Variants in ABCA12 observed in about 807,000 individuals in gnomAD.
The protein encoded by ABCA12 is glucosylceramide transporter ABCA12.
ABCA12 carries 156 observed loss-of-function variants against 293.5 expected under a neutral mutation model. The observed-to-expected ratio is 0.53, with a 90% CI of 0.47 to 0.61. ABCA12 has a LOEUF of 0.61. Ranked by LOEUF, ABCA12 falls within the 20% of genes least tolerant of loss-of-function variation. The pLI is 0.00. For synonymous variants in ABCA12, 1,063 were observed against 1,108.0 expected, an observed-to-expected ratio of 0.96 and a Z score of 0.81; for missense variants, 2,797 against 3,090.2, an observed-to-expected ratio of 0.91 and a Z score of 2.25.
rs573144137 is a variant in ABCA12, at chr2:215,099,736, G to A, written c.163+11861C>T. On this transcript the variant is annotated intron_variant, in intron 2 of 52. Coordinates refer to ENST00000272895, the MANE Select transcript of ABCA12 (RefSeq NM_173076.3). Reference sequence around the variant, plus strand: ...TTCTGACCCCTGGAAAATGGAGGATGATAAATGTTTATTGTTGTTGCCACT... The same window carrying A: ...TTCTGACCCCTGGAAAATGGAGGATAATAAATGTTTATTGTTGTTGCCACT... Among the ~76,000 whole-genome samples the A allele has an allele frequency of 2.6e-5, 4 of 151,582 alleles. No individual in the cohort carries two copies. The South Asian group carries it at 8.4e-4, about 32-fold the overall frequency.
chr2:214,953,784 G>T, intron 44 of ABCA12, 70 bp downstream of exon 44: 1 of 1,569,136 alleles, frequency 6.4e-7, no homozygotes, highest in South Asian at 1.1e-5. Context: ...TTAGACTATT[G>T]ACTTCTTTCT....
chr2:214,988,419 C>G (rs1326063550), intron 26 of ABCA12, among the ~76,000 whole-genome samples: 1 of 152,204 alleles, frequency 6.6e-6, no homozygotes, highest in Non-Finnish European at 1.5e-5. Context: ...TGCAGATAAT[C>G]CCTGCTCCCA....
At chr2:214,973,274 G>A (rs766214434) in intron 36 of ABCA12, among the ~76,000 whole-genome samples, 41 of 152,302 alleles carry the variant, frequency 2.7e-4, no homozygotes, top group Non-Finnish European at 4.7e-4. Flanking sequence ...AGACACTTCA[G>A]TGTACAACCA....
chr2:214,986,303 A>C (rs1288146804), intron 28 of ABCA12, among the ~76,000 whole-genome samples: 1 of 152,138 alleles, frequency 6.6e-6, no homozygotes, highest in Non-Finnish European at 1.5e-5. Flanking sequence ...AGGTGCCAAG[A>C]ATATTTATTT....
intron 4 of ABCA12, among the ~76,000 whole-genome samples, chr2:215,054,358 A>G (rs1459612145): frequency 6.6e-6 from 1 of 152,054 alleles, no homozygotes; most frequent in African/African-American, 2.4e-5. Context: ...GCTCCTATGG[A>G]GTATTTCAGT....
chr2:215,034,946 A>G (rs1386577666), intron 8 of ABCA12, among the ~76,000 whole-genome samples: 1 of 152,198 alleles, frequency 6.6e-6, no homozygotes, highest in African/African-American at 2.4e-5. Flanking sequence ...CTCCAGCATA[A>G]CAGAGTAAAA....
chr2:215,070,950 C>T (rs1052513818), intron 2 of ABCA12, among the ~76,000 whole-genome samples: 3 of 152,034 alleles, frequency 2.0e-5, no homozygotes, highest in Admixed American at 6.6e-5. Context: ...GATGCCAAGA[C>T]GGATGGATTG....
intron 1 of ABCA12, among the ~76,000 whole-genome samples, chr2:215,114,279 G>T (rs985187971): frequency 1.3e-5 from 2 of 152,006 alleles, no homozygotes; most frequent in Non-Finnish European, 2.9e-5. Flanking sequence ...GGCCAAATTT[G>T]CTTTCTTAAT....
At chr2:215,014,606 T>TG (rs1455412485) in intron 15 of ABCA12, among the ~76,000 whole-genome samples, 1 of 152,138 alleles carries the variant, frequency 6.6e-6, no homozygotes, top group East Asian at 1.9e-4. Flanking sequence ...TCAGTCAGGC[T>TG]GCTTGCAAGG....
intron 14 of ABCA12, among the ~76,000 whole-genome samples, chr2:215,017,026 AGGTGAGATT>A (rs1398943923): frequency 6.6e-6 from 1 of 152,230 alleles, no homozygotes; most frequent in African/African-American, 2.4e-5. Context: ...AATAATCAAA[AGGTGAGATT>A]AAAGAGAAAA....
intron 45 of ABCA12, among the ~76,000 whole-genome samples, chr2:214,950,289 A>G (rs1397116275): frequency 6.6e-6 from 1 of 151,610 alleles, no homozygotes; most frequent in African/African-American, 2.4e-5. Flanking sequence ...CCTGGAACCA[A>G]TCTCCCATGG....
rs1344042375 is a variant in ABCA12 at position 214,997,589 on chromosome 2, C to T, written c.3294+106G>A. The T allele has an allele frequency of 1.6e-5, 13 of 811,720 alleles. No individual in the cohort carries two copies. The Admixed American group carries it at 3.2e-4, about 20-fold the overall frequency. 50.3% of individuals were successfully genotyped at this position (811,720 alleles called of 1,614,324 possible). On this transcript the variant is annotated intron_variant, in intron 23 of 52. Coordinates refer to ENST00000272895, the MANE Select transcript of ABCA12 (RefSeq NM_173076.3). The stretch of plus-strand genomic sequence containing the variant: ...AAGGTTTTTCTTTCTGTTTAATTCA[C>T]AAGGGATAAGTTAGGCTTTCTGAAG...
chr2:214,986,471 G>C (rs1699789166), intron 28 of ABCA12, 71 bp downstream of exon 28: 2 of 1,417,206 alleles, frequency 1.4e-6, no homozygotes, highest in Non-Finnish European at 9.9e-7. Context: ...ACATAGGTTA[G>C]TTTATTTTTT....
rs1368554956 is a variant in ABCA12, at chr2:214,934,144, C to T, written c.7614G>A (p.Leu2538=). Residue 2538 remains leucine, a synonymous_variant, in exon 52 of 53, where the codon CTG becomes CTA. Coordinates refer to ENST00000272895, the MANE Select transcript of ABCA12 (RefSeq NM_173076.3). ...TAGGVANIFD[L]LETNKTALNI... Reference sequence around the variant, plus strand: ...TTAAAGCAGTCTTGTTGGTTTCCAGCAGATCAAAAATGTTTGCGACTCCTC... The same window carrying T: ...TTAAAGCAGTCTTGTTGGTTTCCAGTAGATCAAAAATGTTTGCGACTCCTC... 6.2e-7 allele frequency: 1 copy of T among 1,613,746 alleles called. No individual in the cohort carries two copies.
chr2:215,030,536 G>T (rs1048016147), intron 9 of ABCA12, among the ~76,000 whole-genome samples: 3 of 151,800 alleles, frequency 2.0e-5, no homozygotes. Flanking sequence ...GCCGGGAGGC[G>T]GAGCTTGCAG....
intron 2 of ABCA12, among the ~76,000 whole-genome samples, chr2:215,105,369 G>A (rs1311671974): frequency 6.6e-6 from 1 of 152,098 alleles, no homozygotes; most frequent in African/African-American, 2.4e-5. Context: ...GTGGGAGTGA[G>A]AATGAGACGT....
chr2:214,983,589 AGCTATG>A (rs1699717815), intron 29 of ABCA12, 52 bp downstream of exon 29: 3 of 1,461,156 alleles, frequency 2.1e-6, no homozygotes, highest in Middle Eastern at 3.6e-4. Flanking sequence ...TTACCAACCA[AGCTATG>A]GGTCTTTGAG....
chr2:215,025,600 GT>G, intron 11 of ABCA12, 72 bp downstream of exon 11: 13 of 839,584 alleles, frequency 1.5e-5, no homozygotes, highest in East Asian at 3.1e-5. Context: ...AAGTGTTAAG[GT>G]TTTTTTTTTG....
chr2:215,073,577 C>A (rs767233844), intron 2 of ABCA12, among the ~76,000 whole-genome samples: 1 of 152,124 alleles, frequency 6.6e-6, no homozygotes, highest in Non-Finnish European at 1.5e-5. Flanking sequence ...CCCGCCCCCA[C>A]CGAGATATTC....
Sources: allele counts gnomAD v4.1 joint callset (sites outside exome capture counted in the v4.1 genomes callset), GRCh38; gene constraint gnomAD v4.1.1; transcripts MANE v1.5; gene names NCBI Gene and HGNC (gene_info 2026-07-23, HGNC 2026-07-21).